Variants in ANAPC16 observed in about 807,000 individuals in gnomAD.
ANAPC16 encodes anaphase promoting complex subunit 16.
In ANAPC16, 6 loss-of-function variants were observed where a neutral mutation model predicts 13.1. The ratio of observed to expected loss-of-function variants is 0.46; its 90% CI spans 0.25 to 0.90. The LOEUF is 0.90. Among genes scored for constraint, ANAPC16 ranks in the 40% least tolerant of loss-of-function variants. The probability of loss-of-function intolerance (pLI) is 0.18; values close to 1 mark genes in which losing one functional copy is unlikely to be tolerated. For missense variants in ANAPC16, 113 were observed against 131.1 expected (o/e 0.86, Z 0.67); for synonymous variants, 55 against 51.3 (o/e 1.07, Z -0.31).
At position 72,230,323 on chromosome 10, in the gene ANAPC16, A is replaced by G. The variant is rs750169812; in HGVS notation, c.143-43A>G. The G allele has an allele frequency of 2.7e-6, 4 of 1,505,190 alleles. No individual in the cohort carries two copies. The African/African-American group carries it at 5.5e-5, about 21-fold the overall frequency. 93.2% of individuals were successfully genotyped at this position (1,505,190 alleles called of 1,614,324 possible). A position where few individuals can be genotyped will look rare whatever the true frequency, so the allele number is the denominator to read the frequency against. ...TTACTTGGTTTATCAGAAGCCATAAAACCTTTAGAGCAGATTAAAACCTTT... is the reference window on the plus strand; with the variant it reads ...TTACTTGGTTTATCAGAAGCCATAAGACCTTTAGAGCAGATTAAAACCTTT... On this transcript the variant is annotated intron_variant, in intron 2 of 3. Transcript: ENST00000299381.
chr10:72,232,186 CAAAAA>C lies in ANAPC16; in HGVS notation c.218-792_218-788del, dbSNP rs1194817055. ...GGGCAATAAGGGTGAAACTCTGTCT[CAAAAA>C]AAAAAAAAAAAAAAAAAAAAAATTA... On this transcript the variant is annotated intron_variant, in intron 3 of 3. Transcript: ENST00000299381. Among the ~76,000 whole-genome samples the C allele has an allele frequency of 7.1e-4, 31 of 43,920 alleles. 1 individual carries two copies. The highest frequency in any genetic ancestry group is 6.1e-3 in the South Asian group (8 of 1,316). 28.8% of individuals were successfully genotyped at this position (43,920 alleles called of 152,430 possible).
chr10:72,231,336 A>G (rs925249137), intron 3 of ANAPC16, among the ~76,000 whole-genome samples: 9 of 152,054 alleles, frequency 5.9e-5, no homozygotes, highest in African/African-American at 2.2e-4. Context: ...CCAGGAGTTC[A>G]AGACTGACCT....
intron 3 of ANAPC16, among the ~76,000 whole-genome samples, 156 bp downstream of exon 3, chr10:72,230,596 T>C (rs1014142646): frequency 3.3e-5 from 5 of 152,218 alleles, no homozygotes; most frequent in African/African-American, 9.6e-5. Context: ...AATGTCCACA[T>C]TGAGGCTTAA....
rs13980 is a variant in ANAPC16, at chr10:72,233,121, G to T, written c.*5G>T. 6.2e-7 allele frequency: 1 copy of T among 1,611,916 alleles called. No individual in the cohort carries two copies. The highest frequency in any genetic ancestry group is 1.3e-5 in the African/African-American group (1 of 74,850). ...TTCACCCCCTCTTCAGGTTGATACT[G>T]CCTGGATGGTCACCTCTGGTGCGCA... On this transcript the variant is annotated 3_prime_UTR_variant, in exon 4 of 4. Coordinates refer to ENST00000299381, the MANE Select transcript of ANAPC16 (RefSeq NM_173473.4).
Position 72,224,016 on chromosome 10 carries a change from C to G in ANAPC16, c.102C>G (p.Ala34=), listed in dbSNP as rs773458305. Residue 34 remains alanine, a synonymous_variant, in exon 2 of 4, where the codon GCC becomes GCG. Coordinates refer to ENST00000299381, the MANE Select transcript of ANAPC16 (RefSeq NM_173473.4). ...CAGACCTTGCCCCACCACGGAAAGC[C>G]CTTTTCACCTACCCCAAAGGAGCTG... ...SVSDLAPPRK[A]LFTYPKGAGE... is the part of the protein sequence containing the mutation. 3.1e-6 allele frequency: 5 copies of G among 1,611,536 alleles called. No individual in the cohort carries two copies. The East Asian group carries it at 1.1e-4, about 36-fold the overall frequency.
At chr10:72,217,067 A>G (rs1859482132) in intron 1 of ANAPC16, 1 of 453,974 alleles carries the variant, frequency 2.2e-6, no homozygotes, top group Non-Finnish European at 4.4e-6. Context: ...TTCATCCGAA[A>G]TGCTCGGGAC....
At chr10:72,224,462 A>T (rs537913582) in intron 2 of ANAPC16, among the ~76,000 whole-genome samples, 1 of 152,082 alleles carries the variant, frequency 6.6e-6, no homozygotes, top group South Asian at 2.1e-4. Flanking sequence ...AAAATACAAA[A>T]ATTAGCCGGG....
intron 1 of ANAPC16, chr10:72,223,643 C>T (rs1402068554): frequency 7.0e-6 from 2 of 285,484 alleles, no homozygotes; most frequent in African/African-American, 2.2e-5. Flanking sequence ...TTGACATAAA[C>T]AGTTCGCTAA....
At position 72,225,332 on chromosome 10, in the gene ANAPC16, T is replaced by TAA. The variant is rs1193895600; in HGVS notation, c.142+1277_142+1278insAA. On this transcript the variant is annotated intron_variant, in intron 2 of 3. Coordinates refer to ENST00000299381, the MANE Select transcript of ANAPC16 (RefSeq NM_173473.4). ...AAAATGCATATTTCTGGGCCCACCTTAGAGTTTCTGAATTAGTCTAGGGTG... is the reference window on the plus strand; with the variant it reads ...AAAATGCATATTTCTGGGCCCACCTTAAAGAGTTTCTGAATTAGTCTAGGGTG... Among the ~76,000 whole-genome samples, 3 of 151,126 alleles carry TAA rather than the reference T, an allele frequency of 2.0e-5. 1 individual carries two copies. Among genetic ancestry groups the TAA allele is most frequent in the Admixed American group, 2.0e-4 (3 of 15,146 alleles).
intron 1 of ANAPC16, among the ~76,000 whole-genome samples, chr10:72,222,905 T>A (rs1386911110): frequency 6.6e-6 from 1 of 152,178 alleles, no homozygotes; most frequent in Middle Eastern, 3.2e-3. Context: ...ATGTATTCAG[T>A]ACAGTTTTCT....
chr10:72,230,721 T>C (rs1040212194), intron 3 of ANAPC16, among the ~76,000 whole-genome samples: 9 of 151,926 alleles, frequency 5.9e-5, no homozygotes, highest in African/African-American at 2.2e-4. Flanking sequence ...ATGGTGAAAC[T>C]GCATCTCTAC....
intron 1 of ANAPC16, chr10:72,222,993 T>C (rs1428762175): frequency 6.6e-6 from 1 of 152,162 alleles, no homozygotes; most frequent in Admixed American, 6.6e-5. Flanking sequence ...TAGGCCATGG[T>C]TTCCAAGATT....
chr10:72,218,171 T>A (rs1198199453), intron 1 of ANAPC16, among the ~76,000 whole-genome samples: 750 of 17,344 alleles, frequency 0.043, 159 homozygotes, highest in African/African-American at 0.17. Context: ...AAAAAATATA[T>A]ATATATATAT....
rs534556356 is a variant in ANAPC16 at position 72,216,394 on chromosome 10, C to T, written c.-28+256C>T. On this transcript the variant is annotated intron_variant, in intron 1 of 3. Transcript: ENST00000299381. ...GGACCCAGCTGGGTGGGAAAAGTGG[C>T]TAGGAGTTAGCTTGGGAGCCGCTGG... 4.4e-5 allele frequency: 8 copies of T among 180,886 alleles called. No individual in the cohort carries two copies. The South Asian group carries it at 6.1e-4, about 14-fold the overall frequency. The allele number at this position is 180,886 out of a possible 1,614,324, so 11.2% of individuals were successfully genotyped here. A position where few individuals can be genotyped will look rare whatever the true frequency, so the allele number is the denominator to read the frequency against.
At chr10:72,224,539 G>A (rs966565469) in intron 2 of ANAPC16, among the ~76,000 whole-genome samples, 4 of 151,870 alleles carry the variant, frequency 2.6e-5, no homozygotes, top group African/African-American at 9.7e-5. Flanking sequence ...CTTGAACCTG[G>A]GAGGTAGAAG....
At chr10:72,220,358 A>ACAT (rs1180649698) in intron 1 of ANAPC16, 7 of 150,916 alleles carry the variant, frequency 4.6e-5, no homozygotes, top group African/African-American at 1.7e-4. Flanking sequence ...AGAAAAGAAA[A>ACAT]CATAAGTTTC....
At chr10:72,221,309 T>TACA (rs1859921938) in intron 1 of ANAPC16, among the ~76,000 whole-genome samples, 1 of 152,188 alleles carries the variant, frequency 6.6e-6, no homozygotes, top group South Asian at 2.1e-4. Flanking sequence ...AATATAAAGT[T>TACA]ATTTTTAATC....
chr10:72,229,310 G>A (rs1189309696), intron 2 of ANAPC16, among the ~76,000 whole-genome samples: 1 of 143,124 alleles, frequency 7.0e-6, no homozygotes, highest in Non-Finnish European at 1.5e-5. Context: ...TTTGGATACA[G>A]TATCTATAGT....
At chr10:72,224,901 T>C (rs990745807) in intron 2 of ANAPC16, among the ~76,000 whole-genome samples, 8 of 152,172 alleles carry the variant, frequency 5.3e-5, no homozygotes, top group Admixed American at 1.3e-4. Context: ...TCATTCACCA[T>C]CTTGTTCAGC....
Sources: allele counts gnomAD v4.1 joint callset (sites outside exome capture counted in the v4.1 genomes callset), GRCh38; gene constraint gnomAD v4.1.1; transcripts MANE v1.5; gene names NCBI Gene and HGNC (gene_info 2026-07-23, HGNC 2026-07-21).